Variants in SLIT3 observed in about 807,000 individuals in gnomAD.
SLIT3 encodes slit guidance ligand 3, also known as slit homolog 3 protein.
In SLIT3, 68 loss-of-function variants were observed where a neutral mutation model predicts 184.0. That is an observed-to-expected ratio of 0.37 (90% confidence interval 0.30 to 0.45). The LOEUF (loss-of-function observed/expected upper bound fraction) is 0.45. Among genes scored for constraint, SLIT3 ranks in the 20% least tolerant of loss-of-function variants. The pLI is 1.00. For synonymous variants in SLIT3, 831 were observed against 828.6 expected (o/e 1.00, Z -0.05); for missense variants, 1,707 against 2,026.0 (o/e 0.84, Z 3.02).
intron 4 of SLIT3, among the ~76,000 whole-genome samples, chr5:169,019,943 G>T: frequency 6.6e-6 from 1 of 152,058 alleles, no homozygotes; most frequent in East Asian, 1.9e-4. Context: ...TGTTTTGCTT[G>T]GGAATAAGTG....
At chr5:169,170,728 G>T (rs1184119445) in intron 4 of SLIT3, among the ~76,000 whole-genome samples, 6 of 151,794 alleles carry the variant, frequency 4.0e-5, no homozygotes, top group African/African-American at 7.2e-5. Context: ...AATATAGTCA[G>T]CTCATTTTTA....
chr5:168,798,223 C>CTTTTTTTTTTTTTTTTTT (rs747746239), intron 9 of SLIT3, among the ~76,000 whole-genome samples: 1 of 109,026 alleles, frequency 9.2e-6, no homozygotes, highest in African/African-American at 4.5e-5. Context: ...TCTTCTTCTT[C>CTTTTTTTTTTTTTTTTTT]TTTTTTTTTT....
chr5:169,000,666 T>C (rs1233525792), intron 4 of SLIT3, among the ~76,000 whole-genome samples: 15 of 152,082 alleles, frequency 9.9e-5, no homozygotes, highest in Non-Finnish European at 2.1e-4. Context: ...ACGTGATAGA[T>C]CTGGTCAGTA....
chr5:168,796,223 C>T (rs1756559450), intron 9 of SLIT3, among the ~76,000 whole-genome samples: 1 of 152,228 alleles, frequency 6.6e-6, no homozygotes, highest in African/African-American at 2.4e-5. Flanking sequence ...TGCCTTTAAC[C>T]TCTTATGGAG....
intron 25 of SLIT3, chr5:168,708,464 A>C: frequency 3.5e-6 from 1 of 283,122 alleles, no homozygotes; most frequent in African/African-American, 2.2e-5. Context: ...CTCCATTCGG[A>C]CCTCCCATTT....
intron 5 of SLIT3, among the ~76,000 whole-genome samples, chr5:168,880,905 C>T (rs1048227578): frequency 3.9e-5 from 6 of 152,164 alleles, no homozygotes; most frequent in African/African-American, 9.7e-5. Context: ...CTTTACTAAA[C>T]ATTTTCTTGT....
At chr5:169,015,084 T>TCAAACCATCTAACTGG (rs1305620937) in intron 4 of SLIT3, among the ~76,000 whole-genome samples, 2 of 150,198 alleles carry the variant, frequency 1.3e-5, no homozygotes, top group Admixed American at 1.3e-4. Context: ...TAAAATGAAT[T>TCAAACCATCTAACTGG]ACAAACCAAC....
chr5:168,885,291 G>A (rs561895368), intron 4 of SLIT3, among the ~76,000 whole-genome samples: 28 of 152,284 alleles, frequency 1.8e-4, no homozygotes, highest in African/African-American at 6.7e-4. Flanking sequence ...AGTTTCCTCT[G>A]TCTGCAACCG....
chr5:169,247,610 G>A (rs1292876914), intron 2 of SLIT3, among the ~76,000 whole-genome samples: 2 of 152,104 alleles, frequency 1.3e-5, no homozygotes, highest in Admixed American at 6.5e-5. Context: ...GAGATACACC[G>A]TTTCCACCTT....
intron 3 of SLIT3, among the ~76,000 whole-genome samples, chr5:169,230,548 G>A (rs749673003): frequency 1.2e-4 from 18 of 152,138 alleles, no homozygotes; most frequent in Non-Finnish European, 2.1e-4. Flanking sequence ...AGCTAAAAAC[G>A]TCATGGTTTT....
At chr5:168,746,265 G>GGGTGTGGTGT (rs60958550) in intron 20 of SLIT3, among the ~76,000 whole-genome samples, 1 of 149,482 alleles carries the variant, frequency 6.7e-6, no homozygotes, top group Non-Finnish European at 1.5e-5. Flanking sequence ...AGATGTGTGT[G>GGGTGTGGTGT]GGTGTGGTGA....
At chr5:169,000,996 C>T (rs1755683704) in intron 4 of SLIT3, among the ~76,000 whole-genome samples, 1 of 152,194 alleles carries the variant, frequency 6.6e-6, no homozygotes, top group Admixed American at 6.5e-5. Context: ...AAGTTTATTA[C>T]TTTGTCATCT....
intron 4 of SLIT3, among the ~76,000 whole-genome samples, chr5:169,129,831 TTTGTTTG>T (rs1561684330): frequency 5.5e-5 from 7 of 127,094 alleles, no homozygotes; most frequent in Admixed American, 3.0e-4. Context: ...GTTTTTTTTG[TTTGTTTG>T]TTTGTTTGTT....
chr5:168,827,878 T>C (rs1039936744), intron 6 of SLIT3, among the ~76,000 whole-genome samples: 3 of 152,230 alleles, frequency 2.0e-5, no homozygotes, highest in African/African-American at 7.2e-5. Flanking sequence ...TTCACTTTTG[T>C]ATTGTCGATC....
rs1490206816 is a variant in SLIT3, at chr5:168,965,846, C to T, written c.414-82510G>A. Among the ~76,000 whole-genome samples the T allele has an allele frequency of 2.0e-5, 3 of 152,230 alleles. No individual in the cohort carries two copies. The East Asian group carries it at 5.8e-4, about 29-fold the overall frequency. ...AGGTGTCAACCTCTCCAATTGTGAA[C>T]TCATGCCAGCGCACGCTCTCTCTCT... On this transcript the variant is annotated intron_variant, in intron 4 of 35. Coordinates refer to ENST00000519560, the MANE Select transcript of SLIT3 (RefSeq NM_003062.4).
At chr5:168,886,367 T>C (rs1760212518) in intron 4 of SLIT3, among the ~76,000 whole-genome samples, 1 of 152,294 alleles carries the variant, frequency 6.6e-6, no homozygotes, top group South Asian at 2.1e-4. Flanking sequence ...TCGCAGGGCC[T>C]TTGTGAGAGT....
intron 4 of SLIT3, among the ~76,000 whole-genome samples, chr5:169,096,704 G>A (rs1759799844): frequency 6.6e-6 from 1 of 152,168 alleles, no homozygotes. Context: ...GATATATATT[G>A]AGCCAGTGAG....
At chr5:169,227,807 G>A (rs977051179) in intron 3 of SLIT3, among the ~76,000 whole-genome samples, 1 of 152,202 alleles carries the variant, frequency 6.6e-6, no homozygotes, top group Admixed American at 6.5e-5. Context: ...TCGCAGATGA[G>A]GAGATGAAGG....
At chr5:168,856,533 C>T (rs992606432) in intron 5 of SLIT3, among the ~76,000 whole-genome samples, 1 of 151,990 alleles carries the variant, frequency 6.6e-6, no homozygotes, top group African/African-American at 2.4e-5. Context: ...GGGGGTACTC[C>T]CAATCACTCA....
Sources: gnomAD v4.1 joint callset for allele counts (sites outside exome capture counted in the v4.1 genomes callset) on GRCh38, gnomAD v4.1.1 for gene constraint, MANE v1.5 for transcripts, NCBI Gene and HGNC (gene_info 2026-07-23, HGNC 2026-07-21) for gene names.